The following FAM120B variants were observed in gnomAD, a reference collection of about 807,000 sequenced individuals.
FAM120B encodes the protein constitutive coactivator of peroxisome proliferator-activated receptor gamma.
FAM120B carries 83 observed loss-of-function variants against 96.3 expected under a neutral mutation model. The observed-to-expected ratio is 0.86, with a 90% CI of 0.72 to 1.03. FAM120B has a LOEUF of 1.03. Ranked by LOEUF, FAM120B falls within the 50% of genes least tolerant of loss-of-function variation. FAM120B has a pLI of 0.00. For missense variants in FAM120B, 1,027 were observed against 1,121.2 expected, an observed-to-expected ratio of 0.92 and a Z score of 1.20; for synonymous variants, 407 against 402.7, an observed-to-expected ratio of 1.01 and a Z score of -0.13.
At chr6:170,385,168 A>C (rs914817237) in intron 6 of FAM120B, among the ~76,000 whole-genome samples, 1 of 152,240 alleles carries the variant, frequency 6.6e-6, no homozygotes, top group Non-Finnish European at 1.5e-5. Flanking sequence ...GCTAGAAATC[A>C]GTAATAACAA....
At chr6:170,398,383 TA>T (rs1465963760) in intron 9 of FAM120B, among the ~76,000 whole-genome samples, 10 of 152,124 alleles carry the variant, frequency 6.6e-5, no homozygotes, top group African/African-American at 2.4e-4. Flanking sequence ...TCATAACTCT[TA>T]GGAGTGAGTG....
At chr6:170,385,170 TAATAAC>T (rs1213878809) in intron 6 of FAM120B, among the ~76,000 whole-genome samples, 1 of 152,202 alleles carries the variant, frequency 6.6e-6, no homozygotes, top group African/African-American at 2.4e-5. Flanking sequence ...TAGAAATCAG[TAATAAC>T]AATAAGTAAA....
At chr6:170,339,213 C>CA (rs1786649278) in intron 4 of FAM120B, among the ~76,000 whole-genome samples, 1 of 152,124 alleles carries the variant, frequency 6.6e-6, no homozygotes, top group South Asian at 2.1e-4. Flanking sequence ...CTGGTGGTAA[C>CA]AAAATCCCTC....
chr6:170,310,444 G>A (rs1159046894), intron 1 of FAM120B, among the ~76,000 whole-genome samples: 1 of 152,230 alleles, frequency 6.6e-6, no homozygotes, highest in African/African-American at 2.4e-5. Context: ...ACACAGCAAT[G>A]ACCAGATCAC....
chr6:170,370,470 T>A lies in FAM120B; in HGVS notation c.2283+12152T>A, dbSNP rs1284841916. Among the ~76,000 whole-genome samples the A allele has an allele frequency of 1.3e-5, 2 of 152,194 alleles. No homozygotes were observed. Among genetic ancestry groups the A allele is most frequent in the Non-Finnish European group, 2.9e-5 (2 of 68,026 alleles). On this transcript the variant is annotated intron_variant, in intron 6 of 10. Coordinates refer to ENST00000476287, the MANE Select transcript of FAM120B (RefSeq NM_032448.3). The surrounding 1 kb of genome is among the most constrained non-coding windows in gnomAD (Gnocchi z 4.3). ...CTGTGCCCCTGGCTTCCTCTCGCCT[T>A]TCCTGGTTCCAGGAGCTGCTGTCCA...
chr6:170,294,023 A>G (rs549993454), upstream of FAM120B, among the ~76,000 whole-genome samples: 3 of 152,270 alleles, frequency 2.0e-5, no homozygotes, highest in South Asian at 2.1e-4. This position sits in a 1 kb window ranked among gnomAD's most constrained non-coding sequence, Gnocchi z 7.9. Context: ...TTTAGACGCC[A>G]TCAGCCCCCT....
intron 3 of FAM120B, among the ~76,000 whole-genome samples, chr6:170,328,807 G>T (rs565599802): frequency 6.6e-6 from 1 of 152,188 alleles, no homozygotes; most frequent in African/African-American, 2.4e-5. Context: ...AGCGTTTTTT[G>T]ATTATATGCC....
rs770467106 is a variant in FAM120B at position 170,388,465 on chromosome 6, A to G, written c.2462A>G (p.Tyr821Cys). ...HQKYLQSEKG[Y>C]AVEVLLEQNR... ...AAGTACTTGCAATCTGAAAAGGGTT[A>G]TGCTGTGGAGGTTCTTTTAGAACAA... Residue 821 changes from tyrosine to cysteine, a missense_variant, in exon 7 of 11, where the codon TAT (tyrosine) becomes TGT (cysteine). Tyr to Cys is a radical substitution (Grantham distance 194, BLOSUM62 -2). This residue lies in a region of FAM120B where 142 missense variants were observed against 122.5 expected (regional missense o/e 1.16). Coordinates refer to ENST00000476287, the MANE Select transcript of FAM120B (RefSeq NM_032448.3). The G allele has an allele frequency of 1.9e-6, 3 of 1,614,230 alleles. No homozygotes were observed. The highest frequency in any genetic ancestry group is 2.5e-6 in the Non-Finnish European group (3 of 1,180,046).
rs548352667 is a variant in FAM120B, at chr6:170,319,388, C to T, written c.1734+264C>T. Among the ~76,000 whole-genome samples, 16 of 152,296 alleles carry T rather than the reference C, an allele frequency of 1.1e-4. No individual in the cohort carries two copies. In the South Asian group the frequency reaches 2.7e-3, roughly 26 times the overall value. On this transcript the variant is annotated intron_variant, in intron 2 of 10. Transcript: ENST00000476287. Reference sequence around the variant, plus strand: ...GTGGGTTAAAGTACAGGGAGAAGGCCGGGCGTGGTGGCTCATGCCTGTAAT... The same window carrying T: ...GTGGGTTAAAGTACAGGGAGAAGGCTGGGCGTGGTGGCTCATGCCTGTAAT...
intron 3 of FAM120B, among the ~76,000 whole-genome samples, chr6:170,327,263 A>G (rs571031429): frequency 1.1e-3 from 169 of 151,730 alleles, no homozygotes; most frequent in East Asian, 1.6e-3. Flanking sequence ...AGCCAGGATG[A>G]TCTCGATCTC....
intron 6 of FAM120B, among the ~76,000 whole-genome samples, chr6:170,376,465 T>G: frequency 7.4e-6 from 1 of 135,720 alleles, no homozygotes; most frequent in Non-Finnish European, 1.5e-5. Flanking sequence ...GAGATCATAG[T>G]GTCGAGGAAC....
chr6:170,339,983 CAAG>C (rs1786710481), intron 4 of FAM120B, among the ~76,000 whole-genome samples: 1 of 152,038 alleles, frequency 6.6e-6, no homozygotes, highest in South Asian at 2.1e-4. Flanking sequence ...TTGCTCTTCT[CAAG>C]GAGTATCTTA....
At chr6:170,397,806 G>C (rs1583315558) in intron 9 of FAM120B, among the ~76,000 whole-genome samples, 1 of 152,176 alleles carries the variant, frequency 6.6e-6, no homozygotes, top group Non-Finnish European at 1.5e-5. Flanking sequence ...CATGAAAGCT[G>C]TTGGCCCCTC....
chr6:170,348,721 C>T (rs897079772), intron 5 of FAM120B, among the ~76,000 whole-genome samples: 1 of 152,126 alleles, frequency 6.6e-6, no homozygotes, highest in Non-Finnish European at 1.5e-5. Context: ...CCTAGCTTCT[C>T]GTAGCTCTTT....
chr6:170,400,445 A>G (rs1274833072), intron 9 of FAM120B, among the ~76,000 whole-genome samples: 1 of 152,036 alleles, frequency 6.6e-6, no homozygotes, highest in Non-Finnish European at 1.5e-5. Context: ...TATTTCTTTC[A>G]TTTTCTTCCA....
chr6:170,317,277 C>A, intron 1 of FAM120B, 93 bp from the exon 2 acceptor site: 2 of 996,816 alleles, frequency 2.0e-6, no homozygotes, highest in Non-Finnish European at 3.0e-6. Flanking sequence ...TTTTTGGAAA[C>A]AGTGTGAATA....
Position 170,297,368 on chromosome 6 carries a change from A to G in FAM120B, c.48+1915A>G, listed in dbSNP as rs551359456. Among the ~76,000 whole-genome samples, 8 of 152,348 alleles carry G rather than the reference A, an allele frequency of 5.3e-5. No individual in the cohort carries two copies. In the East Asian group the frequency reaches 1.2e-3, roughly 22 times the overall value. On this transcript the variant is annotated intron_variant, in intron 1 of 10. Coordinates refer to the FAM120B transcript ENST00000537664. ...TCTGCCGGGGAGAACAGATGTGGGC[A>G]CCTGCGGTGACCGGCTGCGTGCGTT...
chr6:170,327,207 C>T (rs1405015379), intron 3 of FAM120B, among the ~76,000 whole-genome samples: 1 of 152,056 alleles, frequency 6.6e-6, no homozygotes, highest in Non-Finnish European at 1.5e-5. Flanking sequence ...CCACCATGCC[C>T]GGCTAATTTT....
At chr6:170,347,027 C>G (rs1219031179) in intron 4 of FAM120B, among the ~76,000 whole-genome samples, 1 of 152,134 alleles carries the variant, frequency 6.6e-6, no homozygotes, top group African/African-American at 2.4e-5. Context: ...GGGAATACTT[C>G]AGCCATTTTG....
Sources: gnomAD v4.1 joint callset for allele counts (sites outside exome capture counted in the v4.1 genomes callset) on GRCh38, gnomAD v4.1.1 for gene constraint, gnomAD v4.1.1 regional missense constraint, Gnocchi (gnomAD v3.1) non-coding constraint, MANE v1.5 for transcripts, NCBI Gene and HGNC (gene_info 2026-07-23, HGNC 2026-07-21) for gene names.